The following NOL10 variants were observed in gnomAD, a reference collection of about 807,000 sequenced individuals.
NOL10 encodes the protein nucleolar protein 10, also known as H_NH0074G24.1.
In NOL10, 58 loss-of-function variants were observed where a neutral mutation model predicts 103.5. The ratio of observed to expected loss-of-function variants is 0.56; its 90% CI spans 0.45 to 0.70. NOL10 has a LOEUF of 0.70. Among genes scored for constraint, NOL10 ranks in the 30% least tolerant of loss-of-function variants. NOL10 has a pLI of 0.00. For missense variants in NOL10, 763 were observed against 807.3 expected (o/e 0.95, Z 0.67); for synonymous variants, 287 against 282.5 (o/e 1.02, Z -0.16).
At chr2:10,620,985 G>A (rs529822558) in intron 13 of NOL10, among the ~76,000 whole-genome samples, 12 of 152,162 alleles carry the variant, frequency 7.9e-5, no homozygotes, top group African/African-American at 2.4e-4. Flanking sequence ...TAATAGAGAC[G>A]GTTTTGCCAT....
chr2:10,667,445 A>G (rs1680634571), intron 7 of NOL10, among the ~76,000 whole-genome samples, 167 bp from the exon 8 acceptor site: 6 of 152,242 alleles, frequency 3.9e-5, no homozygotes, highest in Admixed American at 3.9e-4. Flanking sequence ...GAAAGGGTTA[A>G]GTGCTTGGCT....
intron 1 of NOL10, among the ~76,000 whole-genome samples, chr2:10,686,077 A>T (rs891056730): frequency 1.2e-4 from 18 of 152,176 alleles, no homozygotes; most frequent in African/African-American, 9.7e-5. Context: ...AAAAAAATTT[A>T]AAAATCTAAA....
rs1379545395 is a variant in NOL10 at position 10,571,991 on chromosome 2, G to A, written c.*80C>T. 2.6e-5 allele frequency: 39 copies of A among 1,482,428 alleles called. 1 individual carries two copies. Among genetic ancestry groups the A allele is most frequent in the Non-Finnish European group, 3.0e-5 (32 of 1,076,770 alleles). 91.8% of individuals were successfully genotyped at this position (1,482,428 alleles called of 1,614,324 possible). A position where few individuals can be genotyped will look rare whatever the true frequency, so the allele number is the denominator to read the frequency against. ...GAACTTTAAAAACGTGTGTTTCCTCGTCTGTGTTTAACACCCTAACGATGA... is the reference window on the plus strand; with the variant it reads ...GAACTTTAAAAACGTGTGTTTCCTCATCTGTGTTTAACACCCTAACGATGA... On this transcript the variant is annotated 3_prime_UTR_variant, in exon 21 of 21. Transcript: ENST00000381685.
At chr2:10,573,655 CA>C (rs561312921) in intron 20 of NOL10, among the ~76,000 whole-genome samples, 332 of 124,698 alleles carry the variant, frequency 2.7e-3, no homozygotes, top group Middle Eastern at 4.5e-3. Flanking sequence ...TTTGTAATGT[CA>C]AAAAAAAAAA....
chr2:10,668,856 T>C (rs1030318795), intron 6 of NOL10, 133 bp from the exon 7 acceptor site: 1 of 343,590 alleles, frequency 2.9e-6, no homozygotes, highest in Admixed American at 4.4e-5. Flanking sequence ...AAACGTATTC[T>C]AAATCTGAAA....
At chr2:10,585,311 C>T (rs1167170036) in intron 19 of NOL10, among the ~76,000 whole-genome samples, 2 of 152,186 alleles carry the variant, frequency 1.3e-5, no homozygotes, top group East Asian at 3.8e-4. Flanking sequence ...CACATAACAG[C>T]TGTATAAAAA....
In NOL10 at chr2:10,659,114, C is replaced by T. The variant is rs368000766; in HGVS notation, c.756+58G>A. Reference sequence around the variant, plus strand: ...TTCCTGCAGTGTATTTCTCATGACACATACACACACCACTGAAATACCAAC... The same window carrying T: ...TTCCTGCAGTGTATTTCTCATGACATATACACACACCACTGAAATACCAAC... On this transcript the variant is annotated intron_variant, in intron 10 of 20. Coordinates refer to ENST00000381685, the MANE Select transcript of NOL10 (RefSeq NM_024894.4). 7.2e-6 allele frequency: 8 copies of T among 1,115,580 alleles called. No individual in the cohort carries two copies. The African/African-American group carries it at 1.1e-4, about 15-fold the overall frequency. The allele number at this position is 1,115,580 out of a possible 1,614,324, so 69.1% of individuals were successfully genotyped here. A position where few individuals can be genotyped will look rare whatever the true frequency, so the allele number is the denominator to read the frequency against.
At chr2:10,616,160 T>C (rs1676821108) in intron 13 of NOL10, among the ~76,000 whole-genome samples, 1 of 151,176 alleles carries the variant, frequency 6.6e-6, no homozygotes, top group Non-Finnish European at 1.5e-5. Flanking sequence ...GATATCTGGG[T>C]AGAGTCATTA....
At position 10,659,240 on chromosome 2, in the gene NOL10, A is replaced by G; in HGVS notation, c.688T>C (p.Leu230=). Residue 230 remains leucine (L), a synonymous_variant, in exon 10 of 21, where the codon TTA becomes CTA. Transcript: ENST00000381685. ...SVTADSEINS[L]PTISALKFNG... ...AATTTCAAAGCAGAGATTGTTGGTA[A>G]ACTGTTTATCCTGAAAAGCAAAATA... 6.3e-7 allele frequency: 1 copy of G among 1,596,180 alleles called. No homozygotes were observed. The highest frequency in any genetic ancestry group is 8.5e-7 in the Non-Finnish European group (1 of 1,170,614).
intron 16 of NOL10, among the ~76,000 whole-genome samples, chr2:10,601,159 G>A (rs1675954562): frequency 6.6e-6 from 1 of 151,348 alleles, no homozygotes; most frequent in African/African-American, 2.4e-5. Flanking sequence ...CGCCTCCCGG[G>A]TTCATGCCAT....
intron 1 of NOL10, among the ~76,000 whole-genome samples, chr2:10,685,854 A>G (rs893028070): frequency 6.6e-6 from 1 of 151,680 alleles, no homozygotes; most frequent in Non-Finnish European, 1.5e-5. Context: ...ACTTGAGCCC[A>G]GGAGTTCGAG....
At chr2:10,630,128 G>T (rs1051820143) in intron 13 of NOL10, among the ~76,000 whole-genome samples, 2 of 152,060 alleles carry the variant, frequency 1.3e-5, no homozygotes, top group African/African-American at 4.8e-5. Context: ...TGCCACCCAC[G>T]GACCCCGTGA....
chr2:10,689,789 G>A lies in NOL10; in HGVS notation c.66+7C>T. On this transcript the variant is annotated splice_region_variant and intron_variant, in intron 1 of 20. Transcript: ENST00000381685. ...CTCGAGAGTGAGGGGGCCGGGAAGT[G>A]ACTCACCTCAGGAAGGGACTTGCCG... 1 of 1,600,158 alleles carries A rather than the reference G, an allele frequency of 6.2e-7. No homozygotes were observed. The highest frequency in any genetic ancestry group is 8.5e-7 in the Non-Finnish European group (1 of 1,173,582).
rs535159833 is a variant in NOL10 at position 10,679,359 on chromosome 2, CA to C, written c.211+2611del. On this transcript the variant is annotated intron_variant, in intron 3 of 20. Transcript: ENST00000381685. ...GGGCAACAAGAGTGAAACTCTGCCT[CA>C]AAAAAAAAAAAAAAAAATTTCATTA... is the stretch of plus-strand genomic sequence containing the variant. Among the ~76,000 whole-genome samples the C allele has an allele frequency of 8.1e-3, 883 of 109,350 alleles. 4 individuals carry two copies. Among genetic ancestry groups the C allele is most frequent in the African/African-American group, 0.02 (633 of 31,574 alleles). The allele number at this position is 109,350 out of a possible 152,430, so 71.7% of individuals were successfully genotyped here.
intron 13 of NOL10, 140 bp from the exon 14 acceptor site, chr2:10,607,451 G>T: frequency 1.1e-6 from 1 of 891,974 alleles, no homozygotes; most frequent in Non-Finnish European, 1.6e-6. Flanking sequence ...GATGCAGTAT[G>T]TATAATGAAC....
intron 14 of NOL10, 36 bp downstream of exon 14, chr2:10,607,149 T>A: frequency 7.1e-7 from 1 of 1,405,904 alleles, no homozygotes; most frequent in Non-Finnish European, 9.6e-7. Context: ...AGAAATAAAG[T>A]AATTACATAA....
chr2:10,673,607 T>G, intron 4 of NOL10, 50 bp from the exon 5 acceptor site: 1 of 1,261,430 alleles, frequency 7.9e-7, no homozygotes, highest in Non-Finnish European at 1.1e-6. Context: ...ATATTCTTAG[T>G]AACAACGCAA....
intron 13 of NOL10, among the ~76,000 whole-genome samples, chr2:10,637,646 G>A (rs545164850): frequency 6.6e-6 from 1 of 152,272 alleles, no homozygotes; most frequent in African/African-American, 2.4e-5. Context: ...GCTTCCAATT[G>A]TGCATTTCCT....
At chr2:10,620,309 CA>C (rs1677065245) in intron 13 of NOL10, among the ~76,000 whole-genome samples, 1 of 152,062 alleles carries the variant, frequency 6.6e-6, no homozygotes, top group African/African-American at 2.4e-5. Flanking sequence ...TAAAAATACC[CA>C]GGGGGGGAAA....
Sources: gnomAD v4.1 joint callset for allele counts (sites outside exome capture counted in the v4.1 genomes callset) on GRCh38, gnomAD v4.1.1 for gene constraint, MANE v1.5 for transcripts, NCBI Gene and HGNC (gene_info 2026-07-23, HGNC 2026-07-21) for gene names.